The following SENP7 variants were observed in gnomAD, a reference collection of about 807,000 sequenced individuals.
The protein encoded by SENP7 is SUMO specific peptidase 7.
In SENP7, 64 loss-of-function variants were observed where a neutral mutation model predicts 141.2. The ratio of observed to expected loss-of-function variants is 0.45; its 90% CI spans 0.37 to 0.56. The LOEUF (loss-of-function observed/expected upper bound fraction) is 0.56. Ranked by LOEUF, SENP7 falls within the 20% of genes least tolerant of loss-of-function variation. The pLI, the probability that SENP7 is intolerant of heterozygous loss-of-function variation, is 0.00. For synonymous variants in SENP7, 382 were observed against 426.4 expected, an observed-to-expected ratio of 0.90 and a Z score of 1.28; for missense variants, 1,025 against 1,212.2, an observed-to-expected ratio of 0.85 and a Z score of 2.29.
At position 101,465,961 on chromosome 3, in the gene SENP7, C is replaced by T. The variant is rs920284881; in HGVS notation, c.187-6909G>A. 6.6e-5 allele frequency among the ~76,000 whole-genome samples: 10 copies of T among 151,982 alleles called. No homozygotes were observed. In the South Asian group the frequency reaches 2.1e-3, roughly 32 times the overall value. On this transcript the variant is annotated intron_variant, in intron 3 of 23. Coordinates refer to ENST00000394095, the MANE Select transcript of SENP7 (RefSeq NM_020654.5). ...AAAGATTGATATCATTTAAAACGTCCTACAACTGAAGATTTCAATGAAATA... is the reference window on the plus strand; with the variant it reads ...AAAGATTGATATCATTTAAAACGTCTTACAACTGAAGATTTCAATGAAATA...
intron 2 of SENP7, among the ~76,000 whole-genome samples, chr3:101,500,059 G>T (rs575193407): frequency 6.6e-6 from 1 of 152,184 alleles, no homozygotes; most frequent in South Asian, 2.1e-4. Flanking sequence ...GGTCTTCTAA[G>T]GTACTCTTGA....
intron 1 of SENP7, among the ~76,000 whole-genome samples, chr3:101,502,405 C>T (rs1576545326): frequency 6.6e-6 from 1 of 152,152 alleles, no homozygotes; most frequent in Non-Finnish European, 1.5e-5. Flanking sequence ...CGAGTTCAAG[C>T]GATTCTTCTG....
At chr3:101,459,369 T>A (rs1253702613) in intron 3 of SENP7, among the ~76,000 whole-genome samples, 1 of 152,176 alleles carries the variant, frequency 6.6e-6, no homozygotes, top group African/African-American at 2.4e-5. Flanking sequence ...ACATAGAAGG[T>A]TAAATAGGGC....
At chr3:101,449,038 G>C (rs959667874) in intron 4 of SENP7, among the ~76,000 whole-genome samples, 1 of 152,176 alleles carries the variant, frequency 6.6e-6, no homozygotes, top group African/African-American at 2.4e-5. Flanking sequence ...TAAAAGACGT[G>C]ATGGAGCTGA....
At chr3:101,490,094 G>A (rs2064902459) in intron 3 of SENP7, among the ~76,000 whole-genome samples, 1 of 151,528 alleles carries the variant, frequency 6.6e-6, no homozygotes. Flanking sequence ...TGTGGTGGGA[G>A]AAATCGCTTG....
chr3:101,385,215 C>T (rs946355856), intron 6 of SENP7, among the ~76,000 whole-genome samples: 1 of 151,198 alleles, frequency 6.6e-6, no homozygotes, highest in African/African-American at 2.4e-5. Context: ...GACATATAGA[C>T]AAAAAAAATA....
intron 6 of SENP7, among the ~76,000 whole-genome samples, chr3:101,394,516 A>T (rs868696854): frequency 7.7e-4 from 107 of 138,486 alleles, no homozygotes; most frequent in East Asian, 2.8e-3. Flanking sequence ...CTTTTTAAAA[A>T]TTTTTTTTTT....
chr3:101,505,604 G>A (rs1230995832), intron 1 of SENP7, among the ~76,000 whole-genome samples: 3 of 152,032 alleles, frequency 2.0e-5, no homozygotes, highest in Non-Finnish European at 4.4e-5. Flanking sequence ...GTTAGCTCTG[G>A]AGTGTTTAAA....
intron 3 of SENP7, among the ~76,000 whole-genome samples, chr3:101,463,206 A>G (rs1157305248): frequency 6.6e-6 from 1 of 151,650 alleles, no homozygotes; most frequent in Non-Finnish European, 1.5e-5. Context: ...TGTCTACAAT[A>G]AAGGTCGTGG....
At chr3:101,464,029 T>C (rs2063678456) in intron 3 of SENP7, among the ~76,000 whole-genome samples, 3 of 152,158 alleles carry the variant, frequency 2.0e-5, no homozygotes, top group African/African-American at 4.8e-5. Context: ...TTTCACCATG[T>C]TGGCCAGGCT....
At chr3:101,482,315 CAA>C (rs1426963692) in intron 3 of SENP7, among the ~76,000 whole-genome samples, 19 of 65,840 alleles carry the variant, frequency 2.9e-4, no homozygotes, top group Admixed American at 6.4e-4. Flanking sequence ...TCTGTCTCAA[CAA>C]AAAAAAAAAA....
At chr3:101,405,672 C>T (rs910347536) in intron 5 of SENP7, among the ~76,000 whole-genome samples, 2 of 151,878 alleles carry the variant, frequency 1.3e-5, no homozygotes, top group Admixed American at 1.3e-4. Context: ...TAAGGAAGTC[C>T]AAAAAATGAT....
intron 3 of SENP7, among the ~76,000 whole-genome samples, chr3:101,493,026 G>T (rs573275087): frequency 6.6e-6 from 1 of 152,178 alleles, no homozygotes; most frequent in African/African-American, 2.4e-5. Flanking sequence ...TTTAGATAAA[G>T]AAAATGTGGT....
chr3:101,347,305 A>G (rs2059488727), intron 13 of SENP7: 2 of 152,206 alleles, frequency 1.3e-5, no homozygotes, highest in Admixed American at 6.5e-5. Flanking sequence ...AGAACTTAAA[A>G]TTTTCAAGGT....
At chr3:101,495,517 T>C (rs543815929) in intron 2 of SENP7, among the ~76,000 whole-genome samples, 10 of 152,230 alleles carry the variant, frequency 6.6e-5, no homozygotes, top group Non-Finnish European at 1.5e-5. Flanking sequence ...CCATCAATGA[T>C]AGACTGAATA....
intron 2 of SENP7, among the ~76,000 whole-genome samples, chr3:101,494,366 C>T (rs2065082432): frequency 6.6e-6 from 1 of 152,128 alleles, no homozygotes; most frequent in South Asian, 2.1e-4. Context: ...ACCATTTGGG[C>T]TCTTTCACAT....
Position 101,348,049 on chromosome 3 carries a change from A to G in SENP7, c.1660T>C (p.Ser554Pro). Reference protein sequence around the residue: ...KKYIKIPFQVSLNEISLLVDT... With the variant: ...KKYIKIPFQVPLNEISLLVDT... ...ACTAGCAATGAAATCTCATTCAGGG[A>G]CACTGAAACAAATAAAAGACAACAA... is the stretch of plus-strand genomic sequence containing the variant. The change falls in exon 13 of 24, where the codon TCC becomes CCC. Residue 554 changes from serine (S) to proline (P), a missense_variant and splice_region_variant. Physicochemically the swap from Ser to Pro is moderately conservative, Grantham distance 74. Coordinates refer to ENST00000394095, the MANE Select transcript of SENP7 (RefSeq NM_020654.5). The G allele has an allele frequency of 6.4e-7, 1 of 1,566,458 alleles. No individual in the cohort carries two copies. Among genetic ancestry groups the G allele is most frequent in the Non-Finnish European group, 8.6e-7 (1 of 1,159,366 alleles).
chr3:101,510,857 A>AAAAAAAG (rs1366886725), intron 1 of SENP7, among the ~76,000 whole-genome samples: 1 of 151,338 alleles, frequency 6.6e-6, no homozygotes, highest in African/African-American at 2.4e-5. Context: ...AAAAAAAAAA[A>AAAAAAAG]AAAAAAGTCA....
intron 6 of SENP7, among the ~76,000 whole-genome samples, chr3:101,380,445 C>CCCACA (rs58844573): frequency 0.13 from 17,084 of 127,806 alleles, 1,814 homozygotes; most frequent in Non-Finnish European, 0.18. Context: ...GCCCCCCCCC[C>CCCACA]CACACACACA....
Sources: allele counts gnomAD v4.1 joint callset (sites outside exome capture counted in the v4.1 genomes callset), GRCh38; gene constraint gnomAD v4.1.1; transcripts MANE v1.5; gene names NCBI Gene and HGNC (gene_info 2026-07-23, HGNC 2026-07-21).